HECTD4: variants seen among roughly 807,000 people sequenced by gnomAD.
HECTD4 encodes the protein probable E3 ubiquitin-protein ligase HECTD4.
In HECTD4, 114 loss-of-function variants were observed where a neutral mutation model predicts 471.5. That is an observed-to-expected ratio of 0.24 (90% CI 0.21 to 0.28). HECTD4 has a LOEUF of 0.28. Among genes scored for constraint, HECTD4 ranks in the 10% least tolerant of loss-of-function variants. HECTD4 has a pLI of 1.00. For missense variants in HECTD4, 3,866 were observed against 5,651.5 expected (o/e 0.68, Z 10.13); for synonymous variants, 2,012 against 2,256.0 (o/e 0.89, Z 3.07).
In HECTD4 at chr12:112,164,120, G is replaced by A. The variant is rs779877711; in HGVS notation, c.12690C>T (p.His4230=). Reference sequence around the variant, plus strand: ...GCGCACACACTCACGCCACAAGGATGTGCCGGCCCCGGCTGCACAGCTCCA... The same window carrying A: ...GCGCACACACTCACGCCACAAGGATATGCCGGCCCCGGCTGCACAGCTCCA... ...EEVELCSRGR[H]ILVAWENKDI... is the part of the protein sequence containing the mutation. The change falls in exon 73 of 76, where the codon CAC becomes CAT. Residue 4230 remains histidine (H), a synonymous_variant. Coordinates refer to ENST00000682272, the MANE Select transcript of HECTD4 (RefSeq NM_001388303.1). The A allele has an allele frequency of 6.3e-7, 1 of 1,598,412 alleles. No homozygotes were observed. Among genetic ancestry groups the A allele is most frequent in the South Asian group, 1.1e-5 (1 of 89,372 alleles).
chr12:112,359,184 A>G (rs1428408372), intron 1 of HECTD4, among the ~76,000 whole-genome samples: 1 of 148,196 alleles, frequency 6.7e-6, no homozygotes, highest in Non-Finnish European at 1.5e-5. Context: ...CTCCGTCTCA[A>G]AAAAAAAAAA....
At chr12:112,268,032 C>T (rs2034319938) in intron 13 of HECTD4, among the ~76,000 whole-genome samples, 2 of 152,094 alleles carry the variant, frequency 1.3e-5, no homozygotes, top group Non-Finnish European at 2.9e-5. Flanking sequence ...TACTATGTTG[C>T]CCAGACTGGT....
chr12:112,326,358 T>TAATA (rs1042666546), intron 1 of HECTD4, among the ~76,000 whole-genome samples: 1 of 152,092 alleles, frequency 6.6e-6, no homozygotes, highest in African/African-American at 2.4e-5. Context: ...CTGGGTGTGG[T>TAATA]GGCATGCACC....
intron 1 of HECTD4, among the ~76,000 whole-genome samples, chr12:112,335,375 A>G (rs2035934671): frequency 6.6e-6 from 1 of 152,090 alleles, no homozygotes; most frequent in Non-Finnish European, 1.5e-5. Flanking sequence ...TTGGGGACTC[A>G]GGGGGAAAAG....
chr12:112,235,161 C>G lies in HECTD4; in HGVS notation c.5831G>C (p.Ser1944Thr). 1.2e-6 allele frequency: 2 copies of G among 1,613,806 alleles called. No individual in the cohort carries two copies. Among genetic ancestry groups the G allele is most frequent in the African/African-American group, 2.7e-5 (2 of 75,054 alleles). ...CGAGAGCTTGCCATCCACAGCCTCACTCTCTTCTCCAGGATCTTTATCTCC... is the reference window on the plus strand; with the variant it reads ...CGAGAGCTTGCCATCCACAGCCTCAGTCTCTTCTCCAGGATCTTTATCTCC... ...LKGDKDPGEE[S>T]EAVDGKLSIF... is the part of the protein sequence containing the mutation. Residue 1944 changes from serine to threonine, a missense_variant, in exon 37 of 76, where the codon AGT becomes ACT. Physicochemically the swap from Ser to Thr is moderately conservative, Grantham distance 58 (BLOSUM62 1). Transcript: ENST00000682272. This position sits in a 1 kb window ranked among gnomAD's most constrained non-coding sequence, Gnocchi z 5.0.
Position 112,172,849 on chromosome 12 carries a change from G to A in HECTD4, c.11607C>T (p.Ile3869=), listed in dbSNP as rs745812497. Residue 3869 remains isoleucine (I), a synonymous_variant, in exon 67 of 76, where the codon ATC becomes ATT. Transcript: ENST00000682272. ...YDLHFERCAC[I]DVRHAQKASR... is the part of the protein sequence containing the mutation. ...AGGCCTTCTGTGCATGTCGGACATC[G>A]ATGCATGCGCACCTTGGGGTGGGGA... is the stretch of plus-strand genomic sequence containing the variant. The A allele has an allele frequency of 6.8e-6, 11 of 1,613,802 alleles. No individual in the cohort carries two copies. Among genetic ancestry groups the A allele is most frequent in the East Asian group, 4.5e-5 (2 of 44,892 alleles).
In HECTD4 at chr12:112,163,746, G is replaced by A; in HGVS notation, c.12702-9C>T. 3 of 1,458,464 alleles carry A rather than the reference G, an allele frequency of 2.1e-6. No individual in the cohort carries two copies. Among genetic ancestry groups the A allele is most frequent in the African/African-American group, 1.4e-5 (1 of 70,222 alleles). 90.3% of individuals were successfully genotyped at this position (1,458,464 alleles called of 1,614,324 possible). A position where few individuals can be genotyped will look rare whatever the true frequency, so the allele number is the denominator to read the frequency against. ...TGTCCTTGTTCTCCCACCTGCCCGG[G>A]TGAGGAGCACAGGTGAGGGAGAACA... On this transcript the variant is annotated splice_polypyrimidine_tract_variant and intron_variant, in intron 73 of 75. Coordinates refer to ENST00000682272, the MANE Select transcript of HECTD4 (RefSeq NM_001388303.1). The surrounding 1 kb of genome is among the most constrained non-coding windows in gnomAD (Gnocchi z 8.2).
chr12:112,228,830 T>C lies in HECTD4; in HGVS notation c.6520-19A>G, dbSNP rs759543388. The C allele has an allele frequency of 1.2e-6, 2 of 1,611,772 alleles. No homozygotes were observed. The highest frequency in any genetic ancestry group is 2.2e-5 in the South Asian group (2 of 90,694). On this transcript the variant is annotated intron_variant, in intron 41 of 75. Coordinates refer to ENST00000682272, the MANE Select transcript of HECTD4 (RefSeq NM_001388303.1). This position sits in a 1 kb window ranked among gnomAD's most constrained non-coding sequence, Gnocchi z 4.9. ...CTAAAACCTGGAGACAGACATAGAT[T>C]AGCACTACCAACCAGCTCTGACGTG...
At chr12:112,323,314 G>A (rs537267050) in intron 1 of HECTD4, among the ~76,000 whole-genome samples, 1 of 152,178 alleles carries the variant, frequency 6.6e-6, no homozygotes, top group African/African-American at 2.4e-5. Flanking sequence ...TAATAAAACT[G>A]AAAATACTGT....
At chr12:112,291,676 T>G (rs1366106371) in intron 7 of HECTD4, among the ~76,000 whole-genome samples, 1 of 152,054 alleles carries the variant, frequency 6.6e-6, no homozygotes, top group African/African-American at 2.4e-5. Flanking sequence ...ATTGAGACCA[T>G]CCTGGCTAAC....
At chr12:112,279,669 A>C (rs564389638) in intron 8 of HECTD4, among the ~76,000 whole-genome samples, 62 of 152,312 alleles carry the variant, frequency 4.1e-4, no homozygotes, top group South Asian at 1.7e-3. Flanking sequence ...AAATTATTCC[A>C]AAAAAATAAA....
At chr12:112,367,199 G>T (rs1409536700) in intron 1 of HECTD4, among the ~76,000 whole-genome samples, 20 of 151,576 alleles carry the variant, frequency 1.3e-4, no homozygotes, top group Admixed American at 1.2e-3. Flanking sequence ...TTTCTTGGGA[G>T]GCTGAGGCAG....
chr12:112,323,479 CAAAG>C, intron 1 of HECTD4, among the ~76,000 whole-genome samples: 1 of 151,810 alleles, frequency 6.6e-6, no homozygotes, highest in East Asian at 1.9e-4. Flanking sequence ...CACAACTTAG[CAAAG>C]AAAGAAACTA....
chr12:112,184,143 A>C lies in HECTD4; in HGVS notation c.10779+44T>G. On this transcript the variant is annotated intron_variant, in intron 61 of 75. Transcript: ENST00000682272. This position sits in a 1 kb window ranked among gnomAD's most constrained non-coding sequence, Gnocchi z 9.1. ...GATTTAAAGAGGCTTGGGGGATTGA[A>C]ATGGGTCATGATTTAGTGGTTGCAG... The C allele has an allele frequency of 6.6e-7, 1 of 1,507,342 alleles. No homozygotes were observed. The highest frequency in any genetic ancestry group is 9.1e-7 in the Non-Finnish European group (1 of 1,103,144). The allele number at this position is 1,507,342 out of a possible 1,614,324, so 93.4% of individuals were successfully genotyped here. A position where few individuals can be genotyped will look rare whatever the true frequency, so the allele number is the denominator to read the frequency against.
At chr12:112,298,883 A>G (rs1272991926) in intron 7 of HECTD4, among the ~76,000 whole-genome samples, 1 of 133,770 alleles carries the variant, frequency 7.5e-6, no homozygotes, top group Non-Finnish European at 1.5e-5. Flanking sequence ...CTCCATCTCA[A>G]AAAAAAAAAA....
intron 11 of HECTD4, among the ~76,000 whole-genome samples, chr12:112,270,864 C>T (rs1180640765): frequency 6.6e-6 from 1 of 152,132 alleles, no homozygotes; most frequent in Non-Finnish European, 1.5e-5. Context: ...TTCCACAGCC[C>T]CTACTGGTAA....
rs2033681084 is a variant in HECTD4 at position 112,243,199 on chromosome 12, G to C, written c.4958+154C>G. On this transcript the variant is annotated intron_variant, in intron 32 of 75. Coordinates refer to ENST00000682272, the MANE Select transcript of HECTD4 (RefSeq NM_001388303.1). This position sits in a 1 kb window ranked among gnomAD's most constrained non-coding sequence, Gnocchi z 6.6. ...GAGTTTTACGTTCTATTAATATGTT[G>C]AGTTTTTTGCAAGATCATGTACCAC... 6.6e-6 allele frequency among the ~76,000 whole-genome samples: 1 copy of C among 152,134 alleles called. No homozygotes were observed. The highest frequency in any genetic ancestry group is 6.5e-5 in the Admixed American group (1 of 15,272).
chr12:112,351,290 C>T (rs933158921), intron 1 of HECTD4, among the ~76,000 whole-genome samples: 4 of 152,166 alleles, frequency 2.6e-5, no homozygotes, highest in African/African-American at 4.8e-5. Flanking sequence ...GACAAGGAGA[C>T]CAGCCTCATG....
intron 7 of HECTD4, among the ~76,000 whole-genome samples, chr12:112,286,267 G>A (rs1347239083): frequency 6.6e-6 from 1 of 152,128 alleles, no homozygotes; most frequent in Non-Finnish European, 1.5e-5. Flanking sequence ...CAACCACTCT[G>A]GTCCAAGTCC....
Sources: gnomAD v4.1 joint callset for allele counts (sites outside exome capture counted in the v4.1 genomes callset) on GRCh38, gnomAD v4.1.1 for gene constraint, Gnocchi (gnomAD v3.1) non-coding constraint, MANE v1.5 for transcripts, NCBI Gene and HGNC (gene_info 2026-07-23, HGNC 2026-07-21) for gene names.